CACNA1I: variants seen among roughly 807,000 people sequenced by gnomAD.
The protein encoded by CACNA1I is voltage-dependent T-type calcium channel subunit alpha-1I.
In CACNA1I, 74 loss-of-function variants were observed where a neutral mutation model predicts 201.6. The observed-to-expected ratio is 0.37, with a 90% CI of 0.30 to 0.45. The LOEUF is 0.45. CACNA1I is among the 20% of genes least tolerant of loss of function. CACNA1I has a pLI of 1.00. For synonymous variants in CACNA1I, 1,431 were observed against 1,345.2 expected, an observed-to-expected ratio of 1.06 and a Z score of -1.40; for missense variants, 2,346 against 3,138.1, an observed-to-expected ratio of 0.75 and a Z score of 6.03.
intron 3 of CACNA1I, among the ~76,000 whole-genome samples, chr22:39,602,166 G>A (rs1430840927): frequency 7.1e-6 from 1 of 140,490 alleles, no homozygotes; most frequent in African/African-American, 2.7e-5. Context: ...TGACTTCCTA[G>A]GCTCAAAGGA....
Position 39,684,524 on chromosome 22 carries a change from G to A in CACNA1I, c.6027+26G>A. Reference sequence around the variant, plus strand: ...GTACCGACACCTCCCAGGCCCTAGAGCACTGGTCTGTGGGCAAGGGGCAGG... The same window carrying A: ...GTACCGACACCTCCCAGGCCCTAGAACACTGGTCTGTGGGCAAGGGGCAGG... On this transcript the variant is annotated intron_variant, in intron 36 of 36. Transcript: ENST00000402142. This position sits in a 1 kb window ranked among gnomAD's most constrained non-coding sequence, Gnocchi z 4.6. The A allele has an allele frequency of 1.9e-6, 3 of 1,602,872 alleles. No homozygotes were observed. Among genetic ancestry groups the A allele is most frequent in the Non-Finnish European group, 2.6e-6 (3 of 1,174,258 alleles).
At chr22:39,669,957 G>A in intron 24 of CACNA1I, 81 bp from the exon 25 acceptor site, 11 of 1,518,356 alleles carry the variant, frequency 7.2e-6, no homozygotes, top group South Asian at 5.6e-5. Context: ...CCACTCCATG[G>A]AGGCTCAGCC....
Position 39,686,326 on chromosome 22 carries a change from T to C in CACNA1I, c.6593T>C (p.Leu2198Pro), listed in dbSNP as rs987452599. ...GGCCGGGCACCGCTGCCCATGGGCC[T>C]GGGCCCCTTGGCGCCCCCGCCGCAA... ...PPGRAPLPMG[L>P]GPLAPPPQPL... Residue 2198 changes from leucine (L) to proline (P), a missense_variant, in exon 37 of 37, where the codon CTG becomes CCG. Leu to Pro is a moderately conservative substitution (Grantham distance 98). Around this residue, in one of 13 missense-constraint regions of CACNA1I, gnomAD observed 187 missense variants for 151.0 expected, o/e 1.24. Transcript: ENST00000402142. The C allele has an allele frequency of 7.6e-7, 1 of 1,312,120 alleles. No homozygotes were observed. 81.3% of individuals were successfully genotyped at this position (1,312,120 alleles called of 1,614,324 possible).
intron 3 of CACNA1I, among the ~76,000 whole-genome samples, chr22:39,617,532 C>T (rs1450636035): frequency 6.6e-6 from 1 of 152,130 alleles, no homozygotes; most frequent in Non-Finnish European, 1.5e-5. Flanking sequence ...TGCGATGGGA[C>T]TCGGCAGTCC....
At chr22:39,599,399 C>T (rs1932970900) in intron 2 of CACNA1I, among the ~76,000 whole-genome samples, 1 of 142,270 alleles carries the variant, frequency 7.0e-6, no homozygotes. Flanking sequence ...GCGGGCGGAT[C>T]ACGAGGTCAG....
intron 32 of CACNA1I, 39 bp downstream of exon 32, chr22:39,679,484 G>T (rs974738311): frequency 4.3e-5 from 58 of 1,346,560 alleles, no homozygotes; most frequent in East Asian, 1.1e-4. Flanking sequence ...TCGCCAGAGG[G>T]GGGGCACCGC....
At position 39,676,457 on chromosome 22, in the gene CACNA1I, C is replaced by A. The variant is rs1348994412; in HGVS notation, c.4855-884C>A. On this transcript the variant is annotated intron_variant, in intron 29 of 36. Coordinates refer to ENST00000402142, the MANE Select transcript of CACNA1I (RefSeq NM_021096.4). The surrounding 1 kb of genome is among the most constrained non-coding windows in gnomAD (Gnocchi z 4.8). ...TGAACGTTTTCTGAGGGTTCTAAGG[C>A]CTTCTGAGGGTTCTAAGAGATATTT... Among the ~76,000 whole-genome samples, 1 of 152,128 alleles carries A rather than the reference C, an allele frequency of 6.6e-6. No homozygotes were observed. The highest frequency in any genetic ancestry group is 1.5e-5 in the Non-Finnish European group (1 of 68,030).
chr22:39,601,337 G>A lies in CACNA1I; in HGVS notation c.482+684G>A, dbSNP rs1278743397. ...TCTCGGGGAGGCACCCACCTGCTAC[G>A]CCAGTGGGCGTGCCTTCACACACGG... On this transcript the variant is annotated intron_variant, in intron 3 of 36. Transcript: ENST00000402142. Among the ~76,000 whole-genome samples, 3 of 152,222 alleles carry A rather than the reference G, an allele frequency of 2.0e-5. No homozygotes were observed. In the East Asian group the frequency reaches 5.8e-4, roughly 29 times the overall value.
chr22:39,663,697 G>GCCCCCCCC, intron 18 of CACNA1I, 21 bp from the exon 19 acceptor site: 95 of 1,592,250 alleles, frequency 6.0e-5, no homozygotes, highest in Middle Eastern at 1.7e-4. Context: ...CGCTCAGGCA[G>GCCCCCCCC]CCCCCGCCCA....
rs765796131 is a variant in CACNA1I at position 39,647,826 on chromosome 22, GAAGACT to G, written c.1471_1476del (p.Thr491_Lys492del). 21 of 1,597,868 alleles carry G rather than the reference GAAGACT, an allele frequency of 1.3e-5. No homozygotes were observed. The highest frequency in any genetic ancestry group is 1.8e-5 in the Non-Finnish European group (21 of 1,165,448). ...AATATTATCTCCACTTTTCAGATGG[GAAGACT>G]AAGGGTCAGGGAGATGAAGGGAGAC... On this transcript the variant is annotated inframe_deletion, in exon 9 of 37. Coordinates refer to ENST00000402142, the MANE Select transcript of CACNA1I (RefSeq NM_021096.4).
chr22:39,670,269 C>A, intron 25 of CACNA1I, 39 bp downstream of exon 25: 1 of 1,590,152 alleles, frequency 6.3e-7, no homozygotes, highest in Non-Finnish European at 8.5e-7. Flanking sequence ...CCACCCAGCT[C>A]TAAGCCCTTC....
At chr22:39,577,902 CTGTT>C (rs1169644385) in intron 1 of CACNA1I, among the ~76,000 whole-genome samples, 4 of 152,248 alleles carry the variant, frequency 2.6e-5, no homozygotes, top group African/African-American at 4.8e-5. Context: ...TGCTGAGCGT[CTGTT>C]TGCTCATCTG....
At chr22:39,653,500 T>G (rs1389166741) in intron 10 of CACNA1I, among the ~76,000 whole-genome samples, 1 of 151,932 alleles carries the variant, frequency 6.6e-6, no homozygotes, top group Non-Finnish European at 1.5e-5. Flanking sequence ...CAGAGAGAGG[T>G]GGCCCAGGGC....
chr22:39,682,857 ATAG>A (rs1212185587), intron 35 of CACNA1I, among the ~76,000 whole-genome samples, 196 bp downstream of exon 35: 9 of 152,242 alleles, frequency 5.9e-5, no homozygotes, highest in Non-Finnish European at 1.0e-4. Flanking sequence ...CAAGAGCCAA[ATAG>A]TACAAAAAGA....
chr22:39,632,922 G>A (rs1934104811), intron 4 of CACNA1I, among the ~76,000 whole-genome samples: 1 of 151,000 alleles, frequency 6.6e-6, no homozygotes, highest in South Asian at 2.1e-4. Context: ...GCAGCCTGCA[G>A]GCAAGCTCCA....
chr22:39,641,677 A>G (rs865945746), intron 6 of CACNA1I, among the ~76,000 whole-genome samples: 60 of 152,374 alleles, frequency 3.9e-4, no homozygotes, highest in African/African-American at 1.4e-3. Flanking sequence ...CTTGTCACCC[A>G]GTGCACATAA....
chr22:39,662,897 G>A, intron 18 of CACNA1I, 21 bp downstream of exon 18: 1 of 1,477,236 alleles, frequency 6.8e-7, no homozygotes, highest in South Asian at 1.2e-5. Flanking sequence ...CCAGGCCTGG[G>A]GTGAGGGTTA....
In CACNA1I at chr22:39,570,800, C is replaced by G. The variant is rs371898117; in HGVS notation, c.48C>G (p.Ala16=). ...SPPSSSAAAP[A]AEPGVTTEQP... ...CCTCCTCATCTGCAGCAGCCCCAGC[C>G]GCTGAGCCAGGAGTCACCACGGAGC... The change falls in exon 1 of 37, where the codon GCC becomes GCG. Residue 16 remains alanine (A), a synonymous_variant. Transcript: ENST00000402142. 21 of 1,613,086 alleles carry G rather than the reference C, an allele frequency of 1.3e-5. No individual in the cohort carries two copies. Among genetic ancestry groups the G allele is most frequent in the Non-Finnish European group, 1.8e-5 (21 of 1,179,728 alleles).
intron 3 of CACNA1I, among the ~76,000 whole-genome samples, 192 bp from the exon 4 acceptor site, chr22:39,619,118 A>G (rs1933650233): frequency 6.6e-6 from 1 of 152,108 alleles, no homozygotes; most frequent in Non-Finnish European, 1.5e-5. Context: ...CACCGGCGCC[A>G]TTTACAGAGG....
Sources: allele counts gnomAD v4.1 joint callset (sites outside exome capture counted in the v4.1 genomes callset), GRCh38; gene constraint gnomAD v4.1.1; regional missense constraint gnomAD v4.1.1; non-coding constraint Gnocchi (gnomAD v3.1); transcripts MANE v1.5; gene names NCBI Gene and HGNC (gene_info 2026-07-23, HGNC 2026-07-21).